PTPRD: variants seen among roughly 807,000 people sequenced by gnomAD.
PTPRD encodes the protein receptor-type tyrosine-protein phosphatase delta.
A neutral mutation model predicts 214.5 loss-of-function variants in PTPRD; 34 were observed. That is an observed-to-expected ratio of 0.16 (90% CI 0.12 to 0.21). The LOEUF (loss-of-function observed/expected upper bound fraction) is 0.21, where lower values mean the gene tolerates loss of function less well. Among genes scored for constraint, PTPRD ranks in the 10% least tolerant of loss-of-function variants. PTPRD has a pLI of 1.00. For missense variants in PTPRD, 2,545 were observed against 2,398.7 expected (o/e 1.06, Z -1.27); for synonymous variants, 1,128 against 845.7 (o/e 1.33, Z -5.79).
intron 3 of PTPRD, among the ~76,000 whole-genome samples, chr9:10,272,251 C>T (rs1283984973): frequency 6.6e-6 from 1 of 152,178 alleles, no homozygotes; most frequent in Non-Finnish European, 1.5e-5. Flanking sequence ...ATAATGTTTT[C>T]AAGATACATT....
intron 11 of PTPRD, among the ~76,000 whole-genome samples, chr9:8,970,706 A>G (rs2099232488): frequency 6.6e-6 from 1 of 151,884 alleles, no homozygotes; most frequent in African/African-American, 2.4e-5. Context: ...TCAACACCTT[A>G]GAAACTCTTT....
chr9:9,658,112 T>A (rs1250180566), intron 7 of PTPRD, among the ~76,000 whole-genome samples: 2 of 152,232 alleles, frequency 1.3e-5, no homozygotes, highest in African/African-American at 2.4e-5. Flanking sequence ...TTATTTTTTT[T>A]ATTTAATGAG....
chr9:10,061,425 A>G (rs1347735633), intron 3 of PTPRD, among the ~76,000 whole-genome samples: 1 of 152,098 alleles, frequency 6.6e-6, no homozygotes, highest in African/African-American at 2.4e-5. Context: ...TGTTCTTCCA[A>G]CAACAGCTCT....
chr9:9,752,829 C>T (rs1229803416), intron 6 of PTPRD, among the ~76,000 whole-genome samples: 1 of 151,976 alleles, frequency 6.6e-6, no homozygotes, highest in East Asian at 1.9e-4. Context: ...CATTAAAGCC[C>T]TAAATGGTAT....
At chr9:8,750,493 G>A (rs1020118559) in intron 11 of PTPRD, among the ~76,000 whole-genome samples, 3 of 151,990 alleles carry the variant, frequency 2.0e-5, no homozygotes, top group South Asian at 2.1e-4. Flanking sequence ...GTAAGTGCTC[G>A]AAAGAAAATT....
intron 9 of PTPRD, among the ~76,000 whole-genome samples, chr9:9,297,754 T>C (rs1295249434): frequency 6.6e-6 from 1 of 151,488 alleles, no homozygotes; most frequent in African/African-American, 2.4e-5. Flanking sequence ...ATAGAAAAAA[T>C]ATTGGAAAAT....
intron 14 of PTPRD, among the ~76,000 whole-genome samples, chr9:8,530,070 G>A (rs938770810): frequency 6.6e-6 from 1 of 151,906 alleles, no homozygotes; most frequent in South Asian, 2.1e-4. Context: ...CTTCTCCTTG[G>A]GTGCCTCCTA....
chr9:9,378,033 A>G (rs1341928934), intron 9 of PTPRD, among the ~76,000 whole-genome samples: 1 of 152,148 alleles, frequency 6.6e-6, no homozygotes, highest in East Asian at 1.9e-4. Context: ...AGTATTTCTC[A>G]CCAGACTGAT....
intron 5 of PTPRD, among the ~76,000 whole-genome samples, chr9:9,840,588 T>A (rs1281575945): frequency 6.6e-6 from 1 of 151,092 alleles, no homozygotes; most frequent in Non-Finnish European, 1.5e-5. Context: ...AACAAAATAG[T>A]GAATCGGAAA....
intron 5 of PTPRD, among the ~76,000 whole-genome samples, chr9:9,858,646 TAAAC>T (rs1170784416): frequency 1.3e-5 from 2 of 152,136 alleles, no homozygotes; most frequent in African/African-American, 2.4e-5. Flanking sequence ...TTAGTATAGG[TAAAC>T]AAACTTCTGG....
intron 4 of PTPRD, among the ~76,000 whole-genome samples, chr9:9,963,550 G>A (rs1177789919): frequency 1.3e-5 from 2 of 152,102 alleles, no homozygotes; most frequent in African/African-American, 2.4e-5. Flanking sequence ...GAAATACAGT[G>A]GCAACGTCAC....
chr9:8,346,902 C>T (rs1376925232), intron 39 of PTPRD, among the ~76,000 whole-genome samples: 1 of 152,122 alleles, frequency 6.6e-6, no homozygotes, highest in East Asian at 1.9e-4. Context: ...GATTGTTCTG[C>T]TGTTGCACCT....
At chr9:8,939,191 G>A (rs1301610270) in intron 11 of PTPRD, among the ~76,000 whole-genome samples, 1 of 152,084 alleles carries the variant, frequency 6.6e-6, no homozygotes, top group East Asian at 1.9e-4. Context: ...TATTGCCACT[G>A]AAACTCTTTC....
intron 14 of PTPRD, among the ~76,000 whole-genome samples, chr9:8,546,461 G>A (rs998010936): frequency 6.6e-6 from 1 of 151,878 alleles, no homozygotes; most frequent in Admixed American, 6.6e-5. Context: ...CTTTTCCCCT[G>A]GTTTCAGGGG....
At chr9:10,313,884 G>A (rs567169581) in intron 3 of PTPRD, among the ~76,000 whole-genome samples, 3 of 151,956 alleles carry the variant, frequency 2.0e-5, no homozygotes, top group Non-Finnish European at 4.4e-5. Flanking sequence ...GCCATAGAGA[G>A]GTATAGGGAA....
chr9:10,070,302 A>G (rs2097977449), intron 3 of PTPRD, among the ~76,000 whole-genome samples: 1 of 152,086 alleles, frequency 6.6e-6, no homozygotes, highest in African/African-American at 2.4e-5. Context: ...TTACTTAAAC[A>G]GTATTCAAAG....
rs560014764 is a variant in PTPRD, at chr9:9,724,334, C to T, written c.-287+10199G>A. 1.2e-4 allele frequency among the ~76,000 whole-genome samples: 18 copies of T among 152,240 alleles called. No homozygotes were observed. The South Asian group carries it at 3.7e-3, about 32-fold the overall frequency. On this transcript the variant is annotated intron_variant, in intron 7 of 45. Coordinates refer to ENST00000381196, the MANE Select transcript of PTPRD (RefSeq NM_002839.4). Reference sequence around the variant, plus strand: ...AAACATCACAGTTACAGATTAAATGCTTTTGAGGGTGTTTATCATCTCTCA... The same window carrying T: ...AAACATCACAGTTACAGATTAAATGTTTTTGAGGGTGTTTATCATCTCTCA...
chr9:8,449,829 G>T lies in PTPRD; in HGVS notation c.3884C>A (p.Ala1295Glu). 1.9e-6 allele frequency: 3 copies of T among 1,613,808 alleles called. 1 individual carries two copies. The South Asian group carries it at 3.3e-5, about 18-fold the overall frequency. Reference protein sequence around the residue: ...IAILLYKRKRAESDSRKSSIP... With the variant: ...IAILLYKRKREESDSRKSSIP... Reference sequence around the variant, plus strand: ...GCTGCTTTTTCTAGAGTCGGACTCTGCCCTCTTCCTATAGGGGGAAAATAG... The same window carrying T: ...GCTGCTTTTTCTAGAGTCGGACTCTTCCCTCTTCCTATAGGGGGAAAATAG... Residue 1295 changes from alanine to glutamate, a missense_variant, in exon 34 of 46, where the codon GCA becomes GAA. Physicochemically the swap from Ala to Glu is moderately radical, Grantham distance 107 (BLOSUM62 -1). Coordinates refer to ENST00000381196, the MANE Select transcript of PTPRD (RefSeq NM_002839.4).
rs1229404896 is a variant in PTPRD, at chr9:9,715,714, TC to T, written c.-287+18818del. ...TATTTGTTCCTAACAATGAGCTCTT[TC>T]ACTTCAATATTAAAATCCTATTTCA... On this transcript the variant is annotated intron_variant, in intron 7 of 45. Transcript: ENST00000381196. Among the ~76,000 whole-genome samples the T allele has an allele frequency of 1.2e-4, 19 of 152,330 alleles. No individual in the cohort carries two copies. In the East Asian group the frequency reaches 3.1e-3, roughly 25 times the overall value.
Sources: allele counts gnomAD v4.1 joint callset (sites outside exome capture counted in the v4.1 genomes callset), GRCh38; gene constraint gnomAD v4.1.1; transcripts MANE v1.5; gene names NCBI Gene and HGNC (gene_info 2026-07-23, HGNC 2026-07-21).